Variants in PPP2R5B observed in about 807,000 individuals in gnomAD.
PPP2R5B encodes protein phosphatase 2 regulatory subunit B'beta.
In PPP2R5B, 19 loss-of-function variants were observed where a neutral mutation model predicts 59.9. The ratio of observed to expected loss-of-function variants is 0.32; its 90% confidence interval spans 0.22 to 0.47. PPP2R5B has a LOEUF of 0.47. PPP2R5B is among the 20% of genes least tolerant of loss of function. The pLI, the probability that PPP2R5B is intolerant of heterozygous loss-of-function variation, is 1.00. For missense variants in PPP2R5B, 441 were observed against 640.2 expected (o/e 0.69, Z 3.36); for synonymous variants, 286 against 260.5 (o/e 1.10, Z -0.94).
At position 64,925,711 on chromosome 11, in the gene PPP2R5B, A is replaced by T; in HGVS notation, c.-24A>T. ...CAGAGAGAACCCCCGGGGCTCTGAA[A>T]GCTTGCCCTGCCGCCTGACCGCCAT... On this transcript the variant is annotated 5_prime_UTR_variant, in exon 2 of 14. In the 5' UTR this introduces an upstream ATG that the reference lacks. Coordinates refer to ENST00000164133, the MANE Select transcript of PPP2R5B (RefSeq NM_006244.4). This position sits in a 1 kb window ranked among gnomAD's most constrained non-coding sequence, Gnocchi z 4.6. 1 of 1,527,622 alleles carries T rather than the reference A, an allele frequency of 6.5e-7. No homozygotes were observed. Among genetic ancestry groups the T allele is most frequent in the Non-Finnish European group, 9.0e-7 (1 of 1,117,026 alleles). 94.6% of individuals were successfully genotyped at this position (1,527,622 alleles called of 1,614,324 possible).
At position 64,933,696 on chromosome 11, in the gene PPP2R5B, G is replaced by A; in HGVS notation, c.1347-1G>A. On this transcript the variant is annotated splice_acceptor_variant, in intron 13 of 13. Transcript: ENST00000164133. LOFTEE classifies it high-confidence loss of function. ...GGAGCTGCCTCACCCTCTCTCCCCA[G>A]GGAGCAGCAGAAGGCCCAGGAGCGT... 6.4e-7 allele frequency: 1 copy of A among 1,552,988 alleles called. No individual in the cohort carries two copies. The highest frequency in any genetic ancestry group is 8.7e-7 in the Non-Finnish European group (1 of 1,147,780).
At chr11:64,919,955 G>T (rs1233131516), upstream of PPP2R5B, among the ~76,000 whole-genome samples, 1 of 151,904 alleles carries the variant, frequency 6.6e-6, no homozygotes, top group Admixed American at 6.6e-5. Context: ...ATCATAAAAA[G>T]AAAAAAGAGG....
Position 64,933,898 on chromosome 11 carries a change from C to G in PPP2R5B, c.*54C>G. 1 of 1,447,988 alleles carries G rather than the reference C, an allele frequency of 6.9e-7. No homozygotes were observed. Among genetic ancestry groups the G allele is most frequent in the Non-Finnish European group, 9.1e-7 (1 of 1,096,020 alleles). The allele number at this position is 1,447,988 out of a possible 1,614,324, so 89.7% of individuals were successfully genotyped here. On this transcript the variant is annotated 3_prime_UTR_variant, in exon 14 of 14. Coordinates refer to ENST00000164133, the MANE Select transcript of PPP2R5B (RefSeq NM_006244.4). ...CCCAGAGCTGTCAGTCCCTCTATCC[C>G]TTCTCCTGTCCAGGGGCCCAGAGAG... is the stretch of plus-strand genomic sequence containing the variant.
In PPP2R5B at chr11:64,927,853, G is replaced by A; in HGVS notation, c.448G>A (p.Asp150Asn). The change falls in exon 4 of 14, where the codon GAC (aspartate) becomes AAC (asparagine). Residue 150 changes from aspartate to asparagine, a missense_variant. Asp to Asn is a conservative substitution (Grantham distance 23). Transcript: ENST00000164133. ...GCCGCCCAGTGAGAACCCTGAATTT[G>A]ACCCTGAAGAGGATGAGCCCAATCT... ...TLPPSENPEF[D>N]PEEDEPNLEP... The A allele has an allele frequency of 2.5e-6, 4 of 1,613,154 alleles. No homozygotes were observed. Among genetic ancestry groups the A allele is most frequent in the Non-Finnish European group, 3.4e-6 (4 of 1,179,178 alleles).
upstream of PPP2R5B, among the ~76,000 whole-genome samples, chr11:64,922,375 C>T (rs1000516015): frequency 1.3e-5 from 2 of 151,868 alleles, no homozygotes; most frequent in African/African-American, 4.8e-5. Context: ...GTTCCAGCTA[C>T]TTGGGAGGCT....
Position 64,933,873 on chromosome 11 carries a change from C to A in PPP2R5B, c.*29C>A. ...GCACCTCAGAAGGGGAAAAGCTAAA[C>A]CCAGAGCTGTCAGTCCCTCTATCCC... On this transcript the variant is annotated 3_prime_UTR_variant, in exon 14 of 14. Coordinates refer to ENST00000164133, the MANE Select transcript of PPP2R5B (RefSeq NM_006244.4). 6.7e-7 allele frequency: 1 copy of A among 1,492,028 alleles called. No individual in the cohort carries two copies. The highest frequency in any genetic ancestry group is 8.9e-7 in the Non-Finnish European group (1 of 1,118,666). 92.4% of individuals were successfully genotyped at this position (1,492,028 alleles called of 1,614,324 possible). A position where few individuals can be genotyped will look rare whatever the true frequency, so the allele number is the denominator to read the frequency against.
At position 64,931,775 on chromosome 11, in the gene PPP2R5B, G is replaced by T; in HGVS notation, c.1023G>T (p.Glu341Asp). ...KEVMFLGEMEEILDVIEPSQF... is the reference protein window; with the variant it reads ...KEVMFLGEMEDILDVIEPSQF... ...TGATGTTTCTGGGGGAGATGGAAGAGATTCTTGATGTCATCGAGCCCTCCC... is the reference window on the plus strand; with the variant it reads ...TGATGTTTCTGGGGGAGATGGAAGATATTCTTGATGTCATCGAGCCCTCCC... The change falls in exon 11 of 14, where the codon GAG (glutamate) becomes GAT (aspartate). Residue 341 changes from glutamate (E) to aspartate (D), a missense_variant. Coordinates refer to ENST00000164133, the MANE Select transcript of PPP2R5B (RefSeq NM_006244.4). This position sits in a 1 kb window ranked among gnomAD's most constrained non-coding sequence, Gnocchi z 5.0. 1 of 1,614,208 alleles carries T rather than the reference G, an allele frequency of 6.2e-7. No homozygotes were observed. The highest frequency in any genetic ancestry group is 8.5e-7 in the Non-Finnish European group (1 of 1,180,036).
Position 64,931,737 on chromosome 11 carries a change from C to G in PPP2R5B, c.997-12C>G, listed in dbSNP as rs1398307104. 6.2e-7 allele frequency: 1 copy of G among 1,614,138 alleles called. No individual in the cohort carries two copies. The highest frequency in any genetic ancestry group is 1.7e-5 in the Admixed American group (1 of 60,018). ...GCCCCTCTGTCCCTACTCCCCTCCC[C>G]AACCCACCCAGGTGATGTTTCTGGG... On this transcript the variant is annotated splice_polypyrimidine_tract_variant and intron_variant, in intron 10 of 13. Coordinates refer to ENST00000164133, the MANE Select transcript of PPP2R5B (RefSeq NM_006244.4). This position sits in a 1 kb window ranked among gnomAD's most constrained non-coding sequence, Gnocchi z 5.0.
At chr11:64,932,307 C>T (rs1945235289) in intron 11 of PPP2R5B, among the ~76,000 whole-genome samples, 1 of 152,202 alleles carries the variant, frequency 6.6e-6, no homozygotes, top group Non-Finnish European at 1.5e-5. Context: ...AGCTAACTAA[C>T]TCATGTTCTG....
In PPP2R5B at chr11:64,928,066, C is replaced by G. The variant is rs1452806550; in HGVS notation, c.499C>G (p.Leu167Val). Residue 167 changes from leucine to valine, a missense_variant and splice_region_variant, in exon 5 of 14, where the codon CTG becomes GTG. Around this residue, in one of 3 missense-constraint regions of PPP2R5B, gnomAD observed 268 missense variants for 488.1 expected, o/e 0.55. Coordinates refer to ENST00000164133, the MANE Select transcript of PPP2R5B (RefSeq NM_006244.4). The stretch of plus-strand genomic sequence containing the variant: ...CTTTTTGTCTGTCCCCCTCCCCCAG[C>G]TGGTATATGAGTTTTTCCTGCGTTT... ...NLEPSWPHLQ[L>V]VYEFFLRFLE... The G allele has an allele frequency of 5.6e-6, 9 of 1,613,990 alleles. No individual in the cohort carries two copies. The East Asian group carries it at 2.0e-4, about 36-fold the overall frequency.
rs1945150512 is a variant in PPP2R5B at position 64,925,556 on chromosome 11, C to T, written c.-179C>T. On this transcript the variant is annotated 5_prime_UTR_variant, in exon 2 of 14. Coordinates refer to ENST00000164133, the MANE Select transcript of PPP2R5B (RefSeq NM_006244.4). This position sits in a 1 kb window ranked among gnomAD's most constrained non-coding sequence, Gnocchi z 4.6. ...GCCATCCTCCTTTCTACCCTGTCTG[C>T]CCCCCAGGACTGGGCAGTTGCAGGA... is the stretch of plus-strand genomic sequence containing the variant. 5.3e-6 allele frequency: 3 copies of T among 571,236 alleles called. No individual in the cohort carries two copies. The highest frequency in any genetic ancestry group is 2.1e-5 in the South Asian group (1 of 47,840). 35.4% of individuals were successfully genotyped at this position (571,236 alleles called of 1,614,324 possible).
In PPP2R5B at chr11:64,932,906, C is replaced by A. The variant is rs1230417093; in HGVS notation, c.1244+14C>A. The A allele has an allele frequency of 1.9e-6, 3 of 1,613,348 alleles. No individual in the cohort carries two copies. Among genetic ancestry groups the A allele is most frequent in the Non-Finnish European group, 2.5e-6 (3 of 1,179,640 alleles). The stretch of plus-strand genomic sequence containing the variant: ...GCACTGGAACCAGTGAGTGCCAGGC[C>A]ATGACCTAACTCACAGAAACTGGGA... On this transcript the variant is annotated intron_variant, in intron 12 of 13. Transcript: ENST00000164133.
At chr11:64,924,636 GC>G (rs886613383), upstream of PPP2R5B, 2 of 152,420 alleles carry the variant, frequency 1.3e-5, no homozygotes, top group East Asian at 1.9e-4. Flanking sequence ...TCCTGACGCA[GC>G]CCCCCCTTTC....
At chr11:64,926,211 G>A (rs1590676256) in intron 2 of PPP2R5B, among the ~76,000 whole-genome samples, 1 of 152,346 alleles carries the variant, frequency 6.6e-6, no homozygotes, top group African/African-American at 2.4e-5. Context: ...GGGTTCCAGG[G>A]GGCCACTATC....
At position 64,933,585 on chromosome 11, in the gene PPP2R5B, G is replaced by C. The variant is rs113033257; in HGVS notation, c.1347-112G>C. 4.2e-4 allele frequency: 564 copies of C among 1,352,606 alleles called. 4 individuals are homozygous for C. Among genetic ancestry groups the C allele is most frequent in the African/African-American group, 3.7e-3 (248 of 67,792 alleles). The allele number at this position is 1,352,606 out of a possible 1,614,324, so 83.8% of individuals were successfully genotyped here. On this transcript the variant is annotated intron_variant, in intron 13 of 13. Transcript: ENST00000164133. Reference sequence around the variant, plus strand: ...TTTATGGAGTCACAGAACAAAAATGGTTCCATGCCTTCCCTTTGCCGGTGG... The same window carrying C: ...TTTATGGAGTCACAGAACAAAAATGCTTCCATGCCTTCCCTTTGCCGGTGG...
rs113974765 is a variant in PPP2R5B at position 64,930,864 on chromosome 11, G to T, written c.891+275G>T. ...ATTTGGATACACAAATCTATTATGG[G>T]AGATTTTGATACACAATTTTTTTTT... On this transcript the variant is annotated intron_variant, in intron 8 of 13. Transcript: ENST00000164133. Among the ~76,000 whole-genome samples, 204 of 152,026 alleles carry T rather than the reference G, an allele frequency of 1.3e-3. 1 individual carries two copies. The highest frequency in any genetic ancestry group is 3.4e-3 in the African/African-American group (140 of 41,482).
upstream of PPP2R5B, among the ~76,000 whole-genome samples, chr11:64,922,535 C>T (rs1945119284): frequency 6.6e-6 from 1 of 151,816 alleles, no homozygotes; most frequent in African/African-American, 2.4e-5. Context: ...CTCCAAGTGA[C>T]ACTGTGCCTA....
intron 1 of PPP2R5B, among the ~76,000 whole-genome samples, chr11:64,919,010 C>T (rs749861648): frequency 6.6e-6 from 1 of 152,098 alleles, no homozygotes; most frequent in Non-Finnish European, 1.5e-5. Context: ...GGAGCAGGCT[C>T]CATTCAGGGA....
chr11:64,921,858 C>CT (rs577109847), upstream of PPP2R5B, among the ~76,000 whole-genome samples: 11 of 152,200 alleles, frequency 7.2e-5, no homozygotes, highest in South Asian at 2.1e-4. Flanking sequence ...AAATTGGTGA[C>CT]TTTTTTTTGT....
Sources: allele counts gnomAD v4.1 joint callset (sites outside exome capture counted in the v4.1 genomes callset), GRCh38; gene constraint gnomAD v4.1.1; regional missense constraint gnomAD v4.1.1; non-coding constraint Gnocchi (gnomAD v3.1); transcripts MANE v1.5; gene names NCBI Gene and HGNC (gene_info 2026-07-23, HGNC 2026-07-21).